The following FCRL3 variants were observed in gnomAD, a reference collection of about 807,000 sequenced individuals.
FCRL3 encodes Fc receptor-like protein 3.
Under a neutral mutation model 75.0 loss-of-function variants are expected in FCRL3, and 89 were observed. That is an observed-to-expected ratio of 1.19 (90% CI 1.00 to 1.42). The LOEUF is 1.42. FCRL3 is among the 40% of genes most tolerant of loss of function. FCRL3 has a pLI of 0.00. For synonymous variants in FCRL3, 376 were observed against 348.5 expected, an observed-to-expected ratio of 1.08 and a Z score of -0.88; for missense variants, 946 against 880.0, an observed-to-expected ratio of 1.07 and a Z score of -0.95.
intron 6 of FCRL3, 42 bp from the exon 7 acceptor site, chr1:157,696,369 G>A (rs1655909201): frequency 6.2e-7 from 1 of 1,603,026 alleles, no homozygotes; most frequent in South Asian, 1.1e-5. Flanking sequence ...CTGATGGCAG[G>A]GACATCAAGG....
chr1:157,684,860 C>A (rs1195007247), intron 10 of FCRL3, among the ~76,000 whole-genome samples: 3 of 152,018 alleles, frequency 2.0e-5, no homozygotes, highest in African/African-American at 2.4e-5. Flanking sequence ...AGGAGCAGAG[C>A]CCTTAACTTT....
Position 157,697,283 on chromosome 1 carries a change from G to T in FCRL3, c.701C>A (p.Thr234Asn). 1 of 1,612,688 alleles carries T rather than the reference G, an allele frequency of 6.2e-7. No homozygotes were observed. The highest frequency in any genetic ancestry group is 1.1e-5 in the South Asian group (1 of 90,864). The change falls in exon 6 of 15, where the codon ACC (threonine) becomes AAC (asparagine). Residue 234 changes from threonine to asparagine, a missense_variant. Coordinates refer to ENST00000368184, the MANE Select transcript of FCRL3 (RefSeq NM_052939.4). The part of the protein sequence containing the change: ...LQFSLFRDSQ[T>N]LGLGWSRSPR... ...GGACCTGCTCCAGCCCAATCCGAGGGTCTGGCTATCTCTGAAGAGGGAGAA... is the reference window on the plus strand; with the variant it reads ...GGACCTGCTCCAGCCCAATCCGAGGTTCTGGCTATCTCTGAAGAGGGAGAA...
intron 4 of FCRL3, 140 bp downstream of exon 4, chr1:157,698,244 A>C: frequency 1.9e-6 from 2 of 1,033,644 alleles, no homozygotes; most frequent in Non-Finnish European, 1.4e-6. Flanking sequence ...CTGCTGCCCT[A>C]TCTCTTTATT....
rs772157976 is a variant in FCRL3, at chr1:157,689,929, G to A, written c.1691-12C>T. On this transcript the variant is annotated splice_polypyrimidine_tract_variant and intron_variant, in intron 9 of 14. Coordinates refer to ENST00000368184, the MANE Select transcript of FCRL3 (RefSeq NM_052939.4). The stretch of plus-strand genomic sequence containing the variant: ...GTTCCTGGAAGTTCCTGAGTGGAGG[G>A]AGCTGTACTTGAGTTTCAGTGGCAC... The A allele has an allele frequency of 6.2e-7, 1 of 1,613,896 alleles. No homozygotes were observed. The highest frequency in any genetic ancestry group is 8.5e-7 in the Non-Finnish European group (1 of 1,179,826).
chr1:157,689,884 G>T lies in FCRL3; in HGVS notation c.1724C>A (p.Ala575Glu), dbSNP rs890778716. The T allele has an allele frequency of 6.2e-7, 1 of 1,614,172 alleles. No individual in the cohort carries two copies. Among genetic ancestry groups the T allele is most frequent in the Admixed American group, 1.7e-5 (1 of 60,028 alleles). The change falls in exon 10 of 15, where the codon GCG (alanine) becomes GAG (glutamate). Residue 575 changes from alanine (A) to glutamate (E), a missense_variant. Transcript: ENST00000368184. ...GCTGAGCACCAGCCCCGTGATTCCC[G>T]CAGCGGTAAGGCCTGTTCTGTTCCT... ...TSRNRTGLTAAGITGLVLSIL... is the reference protein window; with the variant it reads ...TSRNRTGLTAEGITGLVLSIL...
chr1:157,692,941 C>G (rs184112468), intron 8 of FCRL3, among the ~76,000 whole-genome samples: 5 of 152,124 alleles, frequency 3.3e-5, no homozygotes, highest in Admixed American at 3.3e-4. Context: ...TCCATGGAAA[C>G]AGAACATGGC....
At position 157,683,241 on chromosome 1, in the gene FCRL3, C is replaced by G. The variant is rs1190332489; in HGVS notation, c.1814G>C (p.Gly605Ala). ...HYARARRKPG[G>A]LSATGTSSHS... ...CCTAGATGTTCCAGTGGCAGAAAGT[C>G]CTCCTGCAAAACAAACAAAGGAAGG... is the stretch of plus-strand genomic sequence containing the variant. Residue 605 changes from glycine (G) to alanine (A), a missense_variant, in exon 11 of 15, where the codon GGA becomes GCA. Gly to Ala is a moderately conservative substitution (Grantham distance 60). Transcript: ENST00000368184. 1.2e-6 allele frequency: 2 copies of G among 1,613,296 alleles called. No individual in the cohort carries two copies. The highest frequency in any genetic ancestry group is 1.7e-6 in the Non-Finnish European group (2 of 1,179,710).
At chr1:157,690,575 A>G (rs755249789) in intron 8 of FCRL3, 42 bp from the exon 9 acceptor site, 4 of 1,601,864 alleles carry the variant, frequency 2.5e-6, no homozygotes, top group Non-Finnish European at 3.4e-6. Context: ...TTACTTAAGT[A>G]GGTATACAAG....
intron 7 of FCRL3, 139 bp from the exon 8 acceptor site, chr1:157,695,746 A>T: frequency 9.3e-7 from 1 of 1,079,424 alleles, no homozygotes; most frequent in Admixed American, 2.9e-5. Flanking sequence ...TTCTTATCTA[A>T]CAATCAGAAG....
At chr1:157,696,908 T>C in intron 6 of FCRL3, 1 of 358,958 alleles carries the variant, frequency 2.8e-6, no homozygotes, top group Non-Finnish European at 5.0e-6. Flanking sequence ...TACATCTCTG[T>C]AACCCCATAG....
chr1:157,689,686 G>A, intron 10 of FCRL3, 112 bp downstream of exon 10: 1 of 1,399,920 alleles, frequency 7.1e-7, no homozygotes, highest in East Asian at 2.4e-5. Context: ...TAGTGGAACT[G>A]AGGGCCTAGT....
rs1235250858 is a variant in FCRL3, at chr1:157,679,828, CACAAAAAAAAAAAAA to C, written c.2026+859_2027-856del. On this transcript the variant is annotated intron_variant, in intron 13 of 14. Transcript: ENST00000368184. ...TGGGCGACAGAACGAGACCCCATCT[CACAAAAAAAAAAAAA>C]AAAAAAAAAAAAAAAAATGACAGAA... 9.3e-3 allele frequency among the ~76,000 whole-genome samples: 260 copies of C among 27,916 alleles called. 3 individuals carry two copies. The highest frequency in any genetic ancestry group is 0.019 in the African/African-American group (250 of 13,244). 18.3% of individuals were successfully genotyped at this position (27,916 alleles called of 152,430 possible).
In FCRL3 at chr1:157,696,080, G is replaced by A. The variant is rs1385444658; in HGVS notation, c.1092C>T (p.His364=). 5 of 1,613,258 alleles carry A rather than the reference G, an allele frequency of 3.1e-6. No individual in the cohort carries two copies. Among genetic ancestry groups the A allele is most frequent in the Non-Finnish European group, 4.2e-6 (5 of 1,179,948 alleles). The change falls in exon 7 of 15, where the codon CAC becomes CAT. Residue 364 remains histidine, a synonymous_variant. Coordinates refer to ENST00000368184, the MANE Select transcript of FCRL3 (RefSeq NM_052939.4). The stretch of plus-strand genomic sequence containing the variant: ...GAATCCACGTGCTGAGGATGGGGCT[G>A]TGAACGTTATCAGCTGCACAGTAGT... ...GRYYCAADNV[H]SPILSTWIRV...
rs1052580159 is a variant in FCRL3, at chr1:157,678,872, A to G, written c.2059-16T>C. 99 of 1,613,940 alleles carry G rather than the reference A, an allele frequency of 6.1e-5. No homozygotes were observed. Among genetic ancestry groups the G allele is most frequent in the Non-Finnish European group, 8.3e-5 (98 of 1,180,014 alleles). Reference sequence around the variant, plus strand: ...CTGTAAGTTCCTGGTAGAAAAAAACACAAAAGGTAAGTACCTAAATACAGG... The same window carrying G: ...CTGTAAGTTCCTGGTAGAAAAAAACGCAAAAGGTAAGTACCTAAATACAGG... On this transcript the variant is annotated splice_polypyrimidine_tract_variant and intron_variant, in intron 14 of 14. Coordinates refer to ENST00000368184, the MANE Select transcript of FCRL3 (RefSeq NM_052939.4).
At chr1:157,695,639 C>T in intron 7 of FCRL3, 32 bp from the exon 8 acceptor site, 3 of 1,565,576 alleles carry the variant, frequency 1.9e-6, no homozygotes, top group African/African-American at 2.7e-5. Context: ...TCAGAGGATT[C>T]TGACGTTGTG....
At position 157,676,563 on chromosome 1, in the gene FCRL3, T is replaced by G; in HGVS notation, c.*2147A>C. The G allele has an allele frequency of 1.4e-6, 1 of 703,748 alleles. No homozygotes were observed. The highest frequency in any genetic ancestry group is 2.3e-6 in the Non-Finnish European group (1 of 441,986). 43.6% of individuals were successfully genotyped at this position (703,748 alleles called of 1,614,324 possible). On this transcript the variant is annotated 3_prime_UTR_variant, in exon 15 of 15. Transcript: ENST00000368184. ...TTTCTGGGCTATGGGTTTTTAGTTGTGAATTCAAAGATAAAAGTCAAGTAG... is the reference window on the plus strand; with the variant it reads ...TTTCTGGGCTATGGGTTTTTAGTTGGGAATTCAAAGATAAAAGTCAAGTAG...
chr1:157,680,602 C>A (rs911063803), intron 13 of FCRL3, 100 bp downstream of exon 13: 2 of 961,204 alleles, frequency 2.1e-6, no homozygotes, highest in Non-Finnish European at 3.3e-6. Flanking sequence ...TAATGCCTTG[C>A]GTGTTGGGCT....
Position 157,681,070 on chromosome 1 carries a change from G to A in FCRL3, c.1868C>T (p.Ser623Phe). The A allele has an allele frequency of 6.2e-7, 1 of 1,600,440 alleles. No homozygotes were observed. The highest frequency in any genetic ancestry group is 1.1e-5 in the South Asian group (1 of 88,368). ...GTCTATCCTGGAAGGCCTGGACGAGGAAGGCTCCTGACACTCACTAGGACT... is the reference window on the plus strand; with the variant it reads ...GTCTATCCTGGAAGGCCTGGACGAGAAAGGCTCCTGACACTCACTAGGACT... ...SHSPSECQEP[S>F]SSRPSRIDPQ... The change falls in exon 12 of 15, where the codon TCC becomes TTC. Residue 623 changes from serine (S) to phenylalanine (F), a missense_variant. Ser to Phe is a radical substitution (Grantham distance 155). Coordinates refer to ENST00000368184, the MANE Select transcript of FCRL3 (RefSeq NM_052939.4).
At chr1:157,689,681 G>A in intron 10 of FCRL3, 117 bp downstream of exon 10, 1 of 1,356,588 alleles carries the variant, frequency 7.4e-7, no homozygotes, top group Non-Finnish European at 1.0e-6. Context: ...GTGAGTAGTG[G>A]AACTGAGGGC....
Sources: allele counts gnomAD v4.1 joint callset (sites outside exome capture counted in the v4.1 genomes callset), GRCh38; gene constraint gnomAD v4.1.1; transcripts MANE v1.5; gene names NCBI Gene and HGNC (gene_info 2026-07-23, HGNC 2026-07-21).